The following RIOX1 variants were observed in gnomAD, a reference collection of about 807,000 sequenced individuals.
RIOX1 encodes 60S ribosomal protein L8 histidine hydroxylase.
Under a neutral mutation model 44.6 loss-of-function variants are expected in RIOX1, and 33 were observed. The observed-to-expected ratio is 0.74, with a 90% CI of 0.56 to 0.99. The LOEUF (loss-of-function observed/expected upper bound fraction) is 0.99, where lower values mean the gene tolerates loss of function less well. Ranked by LOEUF, RIOX1 falls within the 50% of genes least tolerant of loss-of-function variation. The probability of loss-of-function intolerance (pLI) is 0.00; values close to 1 mark genes in which losing one functional copy is unlikely to be tolerated. For missense variants in RIOX1, 821 were observed against 871.7 expected (o/e 0.94, Z 0.73); for synonymous variants, 387 against 395.8 (o/e 0.98, Z 0.26).
Position 73,490,951 on chromosome 14 carries a change from T to C in RIOX1, c.-67T>C. The C allele has an allele frequency of 7.8e-7, 1 of 1,285,030 alleles. No individual in the cohort carries two copies. The highest frequency in any genetic ancestry group is 9.9e-7 in the Non-Finnish European group (1 of 1,011,064). The allele number at this position is 1,285,030 out of a possible 1,614,324, so 79.6% of individuals were successfully genotyped here. On this transcript the variant is annotated 5_prime_UTR_variant, in exon 1 of 1. Coordinates refer to ENST00000304061, the MANE Select transcript of RIOX1 (RefSeq NM_024644.5). The stretch of plus-strand genomic sequence containing the variant: ...CCTTCCCAGAGTGCACCGCAGCCGC[T>C]GCATTCAGGAACCGCTTTAGCTTCG...
In RIOX1 at chr14:73,493,193, C is replaced by A; in HGVS notation, c.*250C>A. Reference sequence around the variant, plus strand: ...CCCTTGATCCGTGATCATTTCAGAGCACCAACTTCATCACCTTCAGGCTTC... The same window carrying A: ...CCCTTGATCCGTGATCATTTCAGAGAACCAACTTCATCACCTTCAGGCTTC... On this transcript the variant is annotated 3_prime_UTR_variant, in exon 1 of 1. Coordinates refer to ENST00000304061, the MANE Select transcript of RIOX1 (RefSeq NM_024644.5). The A allele has an allele frequency of 7.9e-7, 1 of 1,265,694 alleles. No individual in the cohort carries two copies. Among genetic ancestry groups the A allele is most frequent in the Non-Finnish European group, 1.2e-6 (1 of 866,382 alleles). 78.4% of individuals were successfully genotyped at this position (1,265,694 alleles called of 1,614,324 possible).
Position 73,492,049 on chromosome 14 carries a change from C to T in RIOX1, c.1032C>T (p.Ile344=). 3 of 1,613,996 alleles carry T rather than the reference C, an allele frequency of 1.9e-6. No individual in the cohort carries two copies. The highest frequency in any genetic ancestry group is 2.5e-6 in the Non-Finnish European group (3 of 1,179,890). The part of the protein sequence containing the change: ...SQGFAPHYDD[I]EAFVLQLEGR... ...GCTTTGCCCCCCACTACGACGACAT[C>T]GAGGCCTTCGTGCTGCAGCTGGAAG... Residue 344 remains isoleucine, a synonymous_variant, in exon 1 of 1, where the codon ATC becomes ATT. Coordinates refer to ENST00000304061, the MANE Select transcript of RIOX1 (RefSeq NM_024644.5). The surrounding 1 kb of genome is among the most constrained non-coding windows in gnomAD (Gnocchi z 4.9).
At position 73,493,095 on chromosome 14, in the gene RIOX1, C is replaced by T. The variant is rs372192138; in HGVS notation, c.*152C>T. On this transcript the variant is annotated 3_prime_UTR_variant, in exon 1 of 1. Coordinates refer to ENST00000304061, the MANE Select transcript of RIOX1 (RefSeq NM_024644.5). ...ATCACTGCTTCAGTGTCACAAACCT[C>T]GGAAGGTCTTCTAGGAAGAACCATC... The T allele has an allele frequency of 9.9e-6, 16 of 1,612,154 alleles. No homozygotes were observed. The African/African-American group carries it at 2.0e-4, about 20-fold the overall frequency.
Position 73,491,208 on chromosome 14 carries a change from A to C in RIOX1, c.191A>C (p.Glu64Ala), listed in dbSNP as rs749498368. 1.9e-6 allele frequency: 3 copies of C among 1,594,664 alleles called. No homozygotes were observed. Among genetic ancestry groups the C allele is most frequent in the Admixed American group, 1.7e-5 (1 of 57,920 alleles). The change falls in exon 1 of 1, where the codon GAG becomes GCG. Residue 64 changes from glutamate to alanine, a missense_variant. By Grantham distance (107) the Glu-to-Ala change is moderately radical (BLOSUM62 -1). Coordinates refer to ENST00000304061, the MANE Select transcript of RIOX1 (RefSeq NM_024644.5). ...RTQTLPSENS[E>A]ESRVESTADD... ...CAGACGCTGCCTAGCGAGAACTCGG[A>C]GGAATCGAGGGTGGAGTCGACGGCC...
At position 73,491,244 on chromosome 14, in the gene RIOX1, G is replaced by A. The variant is rs748568122; in HGVS notation, c.227G>A (p.Gly76Glu). Residue 76 changes from glycine to glutamate, a missense_variant, in exon 1 of 1, where the codon GGG (glycine) becomes GAG (glutamate). Physicochemically the swap from Gly to Glu is moderately conservative, Grantham distance 98 (BLOSUM62 -2). Coordinates refer to ENST00000304061, the MANE Select transcript of RIOX1 (RefSeq NM_024644.5). ...GTGGAGTCGACGGCCGACGACCTGGGGGACGCGCTACCCGGTGGGGCGGCG... is the reference window on the plus strand; with the variant it reads ...GTGGAGTCGACGGCCGACGACCTGGAGGACGCGCTACCCGGTGGGGCGGCG... The part of the protein sequence containing the change: ...SRVESTADDL[G>E]DALPGGAAVA... 4.4e-6 allele frequency: 7 copies of A among 1,586,488 alleles called. No individual in the cohort carries two copies. In the East Asian group the frequency reaches 1.6e-4, roughly 37 times the overall value.
Position 73,492,261 on chromosome 14 carries a change from C to T in RIOX1, c.1244C>T (p.Ser415Phe). Residue 415 changes from serine (S) to phenylalanine (F), a missense_variant, in exon 1 of 1, where the codon TCT becomes TTT. Transcript: ENST00000304061. This position sits in a 1 kb window ranked among gnomAD's most constrained non-coding sequence, Gnocchi z 4.9. ...GCTGAATGCCAGGATGGAGTCCACT[C>T]TCTGCACCTCACCTTGTCCACGTAC... Reference protein sequence around the residue: ...HQAECQDGVHSLHLTLSTYQR... With the variant: ...HQAECQDGVHFLHLTLSTYQR... The T allele has an allele frequency of 6.2e-7, 1 of 1,614,040 alleles. No homozygotes were observed. The highest frequency in any genetic ancestry group is 8.5e-7 in the Non-Finnish European group (1 of 1,179,906).
In RIOX1 at chr14:73,491,023, T is replaced by C. The variant is rs747930339; in HGVS notation, c.6T>C (p.Asp2=). The C allele has an allele frequency of 1.3e-6, 2 of 1,506,288 alleles. No homozygotes were observed. Among genetic ancestry groups the C allele is most frequent in the African/African-American group, 1.4e-5 (1 of 69,780 alleles). The allele number at this position is 1,506,288 out of a possible 1,614,324, so 93.3% of individuals were successfully genotyped here. M[D]GLQASAGPLR... ...AAGACTGGTGTGGTCTGGCCATGGA[T>C]GGGCTCCAGGCCAGTGCAGGGCCGT... Residue 2 remains aspartate, a synonymous_variant, in exon 1 of 1, where the codon GAT becomes GAC. Coordinates refer to ENST00000304061, the MANE Select transcript of RIOX1 (RefSeq NM_024644.5).
rs754502395 is a variant in RIOX1, at chr14:73,491,063, C to T, written c.46C>T (p.Pro16Ser). The T allele has an allele frequency of 1.2e-5, 19 of 1,593,208 alleles. No individual in the cohort carries two copies. The highest frequency in any genetic ancestry group is 1.7e-5 in the Admixed American group (1 of 57,518). The change falls in exon 1 of 1, where the codon CCG (proline) becomes TCG (serine). Residue 16 changes from proline to serine, a missense_variant. Around this residue, in one of 2 missense-constraint regions of RIOX1, gnomAD observed 554 missense variants for 531.2 expected, o/e 1.04. Transcript: ENST00000304061. ...ASAGPLRRGRPKRRRKPQPHS... is the reference protein window; with the variant it reads ...ASAGPLRRGRSKRRRKPQPHS... ...TGCAGGGCCGTTGAGGCGCGGGCGG[C>T]CGAAGCGCCGGCGCAAGCCCCAGCC...
In RIOX1 at chr14:73,492,010, C is replaced by G. The variant is rs766668527; in HGVS notation, c.993C>G (p.Pro331=). The G allele has an allele frequency of 6.2e-7, 1 of 1,613,978 alleles. No individual in the cohort carries two copies. Among genetic ancestry groups the G allele is most frequent in the Non-Finnish European group, 8.5e-7 (1 of 1,179,898 alleles). Residue 331 remains proline, a synonymous_variant, in exon 1 of 1, where the codon CCC becomes CCG. Coordinates refer to ENST00000304061, the MANE Select transcript of RIOX1 (RefSeq NM_024644.5). This position sits in a 1 kb window ranked among gnomAD's most constrained non-coding sequence, Gnocchi z 4.9. The stretch of plus-strand genomic sequence containing the variant: ...CAGGCTCCAACGTTTACCTCACGCC[C>G]CCTAACTCGCAGGGCTTTGCCCCCC... ...SMAGSNVYLT[P]PNSQGFAPHY...
chr14:73,493,271 T>A lies in RIOX1; in HGVS notation c.*328T>A. 1.6e-6 allele frequency: 1 copy of A among 641,022 alleles called. No homozygotes were observed. The highest frequency in any genetic ancestry group is 2.7e-6 in the Non-Finnish European group (1 of 370,608). 39.7% of individuals were successfully genotyped at this position (641,022 alleles called of 1,614,324 possible). A position where few individuals can be genotyped will look rare whatever the true frequency, so the allele number is the denominator to read the frequency against. On this transcript the variant is annotated 3_prime_UTR_variant, in exon 1 of 1. Transcript: ENST00000304061. ...GTTCTGCTTGAGACAGATATTAGAT[T>A]TTTTTTGGAATTTGGATCTTTCATC...
In RIOX1 at chr14:73,491,766, T is replaced by C. The variant is rs1241744484; in HGVS notation, c.749T>C (p.Met250Thr). The C allele has an allele frequency of 3.2e-6, 5 of 1,567,680 alleles. No homozygotes were observed. Among genetic ancestry groups the C allele is most frequent in the Non-Finnish European group, 3.5e-6 (4 of 1,157,046 alleles). Reference sequence around the variant, plus strand: ...TTCTCTACCGCTGACCTGGATTCGATGCTGCGCAACGAGGAGGTGCAGTTC... The same window carrying C: ...TTCTCTACCGCTGACCTGGATTCGACGCTGCGCAACGAGGAGGTGCAGTTC... ...GLFSTADLDS[M>T]LRNEEVQFGQ... Residue 250 changes from methionine (M) to threonine (T), a missense_variant, in exon 1 of 1, where the codon ATG becomes ACG. This residue lies in a region of RIOX1 where 554 missense variants were observed against 531.2 expected (regional missense o/e 1.04). Coordinates refer to ENST00000304061, the MANE Select transcript of RIOX1 (RefSeq NM_024644.5).
In RIOX1 at chr14:73,491,002, C is replaced by T. The variant is rs752965454; in HGVS notation, c.-16C>T. On this transcript the variant is annotated 5_prime_UTR_variant, in exon 1 of 1. Coordinates refer to ENST00000304061, the MANE Select transcript of RIOX1 (RefSeq NM_024644.5). ...CCCCCGGCCGGCCGGGCGGGGAAGA[C>T]TGGTGTGGTCTGGCCATGGATGGGC... 4.3e-6 allele frequency: 6 copies of T among 1,385,908 alleles called. No homozygotes were observed. The highest frequency in any genetic ancestry group is 2.9e-5 in the East Asian group (1 of 35,052). 85.9% of individuals were successfully genotyped at this position (1,385,908 alleles called of 1,614,324 possible). A position where few individuals can be genotyped will look rare whatever the true frequency, so the allele number is the denominator to read the frequency against.
chr14:73,491,331 T>C lies in RIOX1; in HGVS notation c.314T>C (p.Leu105Pro), dbSNP rs1437472233. ...EPYGHLGPAE[L>P]LEASPAARSL... ...TACGGCCACCTGGGGCCCGCAGAGC[T>C]GCTGGAGGCCTCGCCCGCCGCGCGC... The change falls in exon 1 of 1, where the codon CTG becomes CCG. Residue 105 changes from leucine (L) to proline (P), a missense_variant. Physicochemically the swap from Leu to Pro is moderately conservative, Grantham distance 98 (BLOSUM62 -3). Coordinates refer to ENST00000304061, the MANE Select transcript of RIOX1 (RefSeq NM_024644.5). The C allele has an allele frequency of 6.8e-7, 1 of 1,471,278 alleles. No homozygotes were observed. Among genetic ancestry groups the C allele is most frequent in the East Asian group, 2.9e-5 (1 of 34,524 alleles). The allele number at this position is 1,471,278 out of a possible 1,614,324, so 91.1% of individuals were successfully genotyped here. A position where few individuals can be genotyped will look rare whatever the true frequency, so the allele number is the denominator to read the frequency against.
chr14:73,491,704 G>A lies in RIOX1; in HGVS notation c.687G>A (p.Leu229=), dbSNP rs1249918303. 5.8e-6 allele frequency: 9 copies of A among 1,550,176 alleles called. No individual in the cohort carries two copies. Among genetic ancestry groups the A allele is most frequent in the Admixed American group, 3.9e-5 (2 of 51,026 alleles). The part of the protein sequence containing the change: ...YRRLWEREAV[L]VRRQDHTYYQ... ...GCCTATGGGAGCGCGAGGCGGTGCT[G>A]GTGCGGCGGCAGGACCACACCTACT... The change falls in exon 1 of 1, where the codon CTG becomes CTA. Residue 229 remains leucine (L), a synonymous_variant. Coordinates refer to ENST00000304061, the MANE Select transcript of RIOX1 (RefSeq NM_024644.5).
In RIOX1 at chr14:73,493,166, A is replaced by G. The variant is rs1292009497; in HGVS notation, c.*223A>G. The G allele has an allele frequency of 6.4e-7, 1 of 1,551,142 alleles. No individual in the cohort carries two copies. Among genetic ancestry groups the G allele is most frequent in the African/African-American group, 1.4e-5 (1 of 73,338 alleles). On this transcript the variant is annotated 3_prime_UTR_variant, in exon 1 of 1. Coordinates refer to ENST00000304061, the MANE Select transcript of RIOX1 (RefSeq NM_024644.5). Reference sequence around the variant, plus strand: ...AAGGAGAAGTTGGAGGTGGAAAAAAAACCCTTGATCCGTGATCATTTCAGA... The same window carrying G: ...AAGGAGAAGTTGGAGGTGGAAAAAAGACCCTTGATCCGTGATCATTTCAGA...
Position 73,492,678 on chromosome 14 carries a change from G to T in RIOX1, c.1661G>T (p.Gly554Val). ...ACAGAAGTCCATATGCTTCAGGATG[G>T]GATAGCTCGGCTGGTGGGTGAGGGG... ...TETEVHMLQD[G>V]IARLVGEGGH... Residue 554 changes from glycine to valine, a missense_variant, in exon 1 of 1, where the codon GGG becomes GTG. Gly to Val is a moderately radical substitution (Grantham distance 109, BLOSUM62 -3). Around this residue, in one of 2 missense-constraint regions of RIOX1, gnomAD observed 267 missense variants for 340.5 expected, o/e 0.78. Coordinates refer to ENST00000304061, the MANE Select transcript of RIOX1 (RefSeq NM_024644.5). This position sits in a 1 kb window ranked among gnomAD's most constrained non-coding sequence, Gnocchi z 4.9. 6.2e-7 allele frequency: 1 copy of T among 1,614,004 alleles called. No individual in the cohort carries two copies. The highest frequency in any genetic ancestry group is 8.5e-7 in the Non-Finnish European group (1 of 1,179,892).
rs1220440739 is a variant in RIOX1 at position 73,492,425 on chromosome 14, A to G, written c.1408A>G (p.Lys470Glu). The change falls in exon 1 of 1, where the codon AAG (lysine) becomes GAG (glutamate). Residue 470 changes from lysine (K) to glutamate (E), a missense_variant. Transcript: ENST00000304061. The surrounding 1 kb of genome is among the most constrained non-coding windows in gnomAD (Gnocchi z 4.9). ...CATGGGGGCCCAGCATTCAGATTCT[A>G]AGGATCCGCGAAGAACCGCTTTCAT... is the stretch of plus-strand genomic sequence containing the variant. ...DYMGAQHSDS[K>E]DPRRTAFMEK... 7 of 1,613,604 alleles carry G rather than the reference A, an allele frequency of 4.3e-6. No individual in the cohort carries two copies. Among genetic ancestry groups the G allele is most frequent in the Non-Finnish European group, 5.9e-6 (7 of 1,179,776 alleles).
rs1224291218 is a variant in RIOX1 at position 73,491,050 on chromosome 14, G to A, written c.33G>A (p.Leu11=). 1.3e-6 allele frequency: 2 copies of A among 1,589,348 alleles called. No homozygotes were observed. The highest frequency in any genetic ancestry group is 1.7e-6 in the Non-Finnish European group (2 of 1,167,568). The change falls in exon 1 of 1, where the codon TTG becomes TTA. Residue 11 remains leucine, a synonymous_variant. Coordinates refer to ENST00000304061, the MANE Select transcript of RIOX1 (RefSeq NM_024644.5). ...GGCTCCAGGCCAGTGCAGGGCCGTT[G>A]AGGCGCGGGCGGCCGAAGCGCCGGC... MDGLQASAGP[L]RRGRPKRRRK...
chr14:73,492,067 G>C lies in RIOX1; in HGVS notation c.1050G>C (p.Gln350His). The C allele has an allele frequency of 1.2e-6, 2 of 1,614,028 alleles. No individual in the cohort carries two copies. Among genetic ancestry groups the C allele is most frequent in the Non-Finnish European group, 1.7e-6 (2 of 1,179,902 alleles). The change falls in exon 1 of 1, where the codon CAG (glutamine) becomes CAC (histidine). Residue 350 changes from glutamine to histidine, a missense_variant. Physicochemically the swap from Gln to His is conservative, Grantham distance 24. Coordinates refer to ENST00000304061, the MANE Select transcript of RIOX1 (RefSeq NM_024644.5). The surrounding 1 kb of genome is among the most constrained non-coding windows in gnomAD (Gnocchi z 4.9). The stretch of plus-strand genomic sequence containing the variant: ...ACGACATCGAGGCCTTCGTGCTGCA[G>C]CTGGAAGGTAGGAAACTCTGGCGTG... ...HYDDIEAFVL[Q>H]LEGRKLWRVY...
Sources: allele counts gnomAD v4.1 joint callset, GRCh38; gene constraint gnomAD v4.1.1; regional missense constraint gnomAD v4.1.1; non-coding constraint Gnocchi (gnomAD v3.1); transcripts MANE v1.5; gene names NCBI Gene and HGNC (gene_info 2026-07-23, HGNC 2026-07-21).